Variants in CSMD1 observed in about 807,000 individuals in gnomAD.
The protein encoded by CSMD1 is CUB and sushi domain-containing protein 1.
CSMD1 carries 213 observed loss-of-function variants against 417.5 expected under a neutral mutation model. The observed-to-expected ratio is 0.51, with a 90% CI of 0.46 to 0.57. The LOEUF is 0.57. Among genes scored for constraint, CSMD1 ranks in the 20% least tolerant of loss-of-function variants. The pLI is 0.00. For missense variants in CSMD1, 6,923 were observed against 4,529.7 expected, an observed-to-expected ratio of 1.53 and a Z score of -15.17; for synonymous variants, 2,862 against 1,736.8, an observed-to-expected ratio of 1.65 and a Z score of -16.11.
At chr8:4,934,948 C>G (rs1027855375) in intron 1 of CSMD1, among the ~76,000 whole-genome samples, 1 of 152,180 alleles carries the variant, frequency 6.6e-6, no homozygotes, top group Admixed American at 6.5e-5. Context: ...CTATTTAAAT[C>G]CATCTACCTG....
At chr8:4,144,280 CACCCCACTTAAACAGGAT>C (rs1345392857) in intron 3 of CSMD1, among the ~76,000 whole-genome samples, 1 of 151,016 alleles carries the variant, frequency 6.6e-6, no homozygotes, top group Non-Finnish European at 1.5e-5. Flanking sequence ...GCCTCACACT[CACCCCACTTAAACAGGAT>C]ACCCCACTTA....
intron 25 of CSMD1, among the ~76,000 whole-genome samples, chr8:3,284,975 T>G (rs1284668489): frequency 6.6e-6 from 1 of 151,802 alleles, no homozygotes; most frequent in Non-Finnish European, 1.5e-5. Flanking sequence ...CTTCCAGGTA[T>G]TTTTCAGAGT....
intron 26 of CSMD1, among the ~76,000 whole-genome samples, chr8:3,273,236 A>G (rs1281837346): frequency 1.3e-5 from 2 of 151,116 alleles, no homozygotes; most frequent in Non-Finnish European, 2.9e-5. Context: ...GATTACATTT[A>G]TAGATTTGCG....
intron 65 of CSMD1, 101 bp downstream of exon 65, chr8:2,954,123 A>T: frequency 1.7e-6 from 1 of 577,898 alleles, no homozygotes; most frequent in Non-Finnish European, 2.9e-6. Flanking sequence ...TCGTGGACTA[A>T]CGGATTCAGA....
At chr8:3,620,961 A>C (rs1195422840) in intron 7 of CSMD1, among the ~76,000 whole-genome samples, 2 of 152,166 alleles carry the variant, frequency 1.3e-5, no homozygotes, top group East Asian at 3.9e-4. Flanking sequence ...GACTTTAAAG[A>C]GGTAATTAAC....
At chr8:4,956,728 G>T (rs1370327917) in intron 1 of CSMD1, among the ~76,000 whole-genome samples, 1 of 152,072 alleles carries the variant, frequency 6.6e-6, no homozygotes, top group Non-Finnish European at 1.5e-5. Flanking sequence ...CAAAGACTAT[G>T]TCAACACAAG....
intron 2 of CSMD1, among the ~76,000 whole-genome samples, chr8:4,580,318 C>T (rs1215663435): frequency 4.6e-5 from 7 of 152,152 alleles, no homozygotes; most frequent in African/African-American, 1.2e-4. Flanking sequence ...CAGGAAGGTA[C>T]ATGAAAGACA....
chr8:3,037,216 G>GTTGT (rs1810743723), intron 50 of CSMD1, among the ~76,000 whole-genome samples: 1 of 124,604 alleles, frequency 8.0e-6, no homozygotes, highest in Non-Finnish European at 1.9e-5. Context: ...TCTTTTTTTT[G>GTTGT]TTTTTTTGAG....
chr8:4,501,625 A>G (rs1282793393), intron 2 of CSMD1, among the ~76,000 whole-genome samples: 1 of 152,192 alleles, frequency 6.6e-6, no homozygotes, highest in Non-Finnish European at 1.5e-5. Context: ...TTAAATTGCT[A>G]GCTGTTCTGA....
intron 59 of CSMD1, among the ~76,000 whole-genome samples, chr8:2,964,520 T>C (rs1487318343): frequency 6.6e-6 from 1 of 151,946 alleles, no homozygotes; most frequent in Non-Finnish European, 1.5e-5. Flanking sequence ...TCCCATCTGG[T>C]AGGGACTTGC....
intron 5 of CSMD1, among the ~76,000 whole-genome samples, chr8:3,790,283 G>T (rs1278766962): frequency 6.6e-6 from 1 of 152,134 alleles, no homozygotes; most frequent in Non-Finnish European, 1.5e-5. Flanking sequence ...CAGAAAACAA[G>T]ATGAAGTAAG....
rs926032743 is a variant in CSMD1, at chr8:4,158,644, G to C, written c.416-126545C>G. 3.0e-4 allele frequency among the ~76,000 whole-genome samples: 46 copies of C among 152,108 alleles called. 1 individual carries two copies. Among genetic ancestry groups the C allele is most frequent in the African/African-American group, 1.1e-3 (45 of 41,418 alleles). ...TAATTTTCACAGTGGCGTTGCTGGT[G>C]GTAGTGGAAGATCAACGCCGTAATA... On this transcript the variant is annotated intron_variant, in intron 3 of 69. Transcript: ENST00000635120.
chr8:3,383,741 A>G (rs1365183793), intron 18 of CSMD1, among the ~76,000 whole-genome samples: 3 of 152,188 alleles, frequency 2.0e-5, no homozygotes, highest in African/African-American at 7.2e-5. Flanking sequence ...GACCCAATAG[A>G]AATGGAAGCA....
At chr8:4,252,887 G>C (rs1165601042) in intron 3 of CSMD1, among the ~76,000 whole-genome samples, 2 of 152,190 alleles carry the variant, frequency 1.3e-5, no homozygotes, top group Non-Finnish European at 2.9e-5. Context: ...GAGAATTTCA[G>C]GTGCCTTGTT....
chr8:3,959,828 C>T (rs1382186889), intron 5 of CSMD1, among the ~76,000 whole-genome samples: 1 of 152,138 alleles, frequency 6.6e-6, no homozygotes, highest in African/African-American at 2.4e-5. Context: ...CATTATACAC[C>T]AAGTGATGTA....
chr8:3,704,456 G>C (rs1245445655), intron 7 of CSMD1, among the ~76,000 whole-genome samples: 1 of 152,110 alleles, frequency 6.6e-6, no homozygotes, highest in African/African-American at 2.4e-5. Context: ...CTTGCCTAGG[G>C]ACATAACCAC....
chr8:4,051,234 C>A (rs1011298534), intron 3 of CSMD1, among the ~76,000 whole-genome samples: 3 of 150,936 alleles, frequency 2.0e-5, no homozygotes, highest in Admixed American at 6.6e-5. Flanking sequence ...CCTGTGGGAA[C>A]AATGCCAAGC....
At chr8:4,220,779 G>A (rs1309589134) in intron 3 of CSMD1, among the ~76,000 whole-genome samples, 2 of 152,224 alleles carry the variant, frequency 1.3e-5, no homozygotes, top group Non-Finnish European at 2.9e-5. Context: ...GGCCACCCAA[G>A]AAATCCTTAT....
intron 3 of CSMD1, among the ~76,000 whole-genome samples, chr8:4,095,103 G>C (rs536380938): frequency 3.9e-4 from 59 of 152,310 alleles, no homozygotes; most frequent in Admixed American, 1.6e-3. Flanking sequence ...AGGAAACAAA[G>C]TGACGTGACG....
Sources: gnomAD v4.1 joint callset for allele counts (sites outside exome capture counted in the v4.1 genomes callset) on GRCh38, gnomAD v4.1.1 for gene constraint, MANE v1.5 for transcripts, NCBI Gene and HGNC (gene_info 2026-07-23, HGNC 2026-07-21) for gene names.